CTNNBL1: variants seen among roughly 807,000 people sequenced by gnomAD.
CTNNBL1 encodes the protein beta-catenin-like protein 1.
Under a neutral mutation model 72.7 loss-of-function variants are expected in CTNNBL1, and 31 were observed. The observed-to-expected ratio is 0.43, with a 90% CI of 0.32 to 0.58. The LOEUF (loss-of-function observed/expected upper bound fraction) is 0.58, where lower values mean the gene tolerates loss of function less well. CTNNBL1 is among the 20% of genes least tolerant of loss of function. The probability of loss-of-function intolerance (pLI) is 0.08; values close to 1 mark genes in which losing one functional copy is unlikely to be tolerated. For missense variants in CTNNBL1, 534 were observed against 725.1 expected, an observed-to-expected ratio of 0.74 and a Z score of 3.03; for synonymous variants, 240 against 267.3, an observed-to-expected ratio of 0.90 and a Z score of 1.00.
rs990726222 is a variant in CTNNBL1, at chr20:37,757,603, A to G, written c.511A>G (p.Ile171Val). The change falls in exon 5 of 16, where the codon ATA (isoleucine) becomes GTA (valine). Residue 171 changes from isoleucine to valine, a missense_variant. Transcript: ENST00000361383. ...VVDLLQELTDIDTLHESEEGA... is the reference protein window; with the variant it reads ...VVDLLQELTDVDTLHESEEGA... ...CGATTTGCTTCAGGAATTAACAGAT[A>G]TAGACACCCTCCATGAGAGTGAAGA... The G allele has an allele frequency of 1.9e-6, 3 of 1,613,848 alleles. No individual in the cohort carries two copies. Among genetic ancestry groups the G allele is most frequent in the Non-Finnish European group, 2.5e-6 (3 of 1,179,860 alleles).
At position 37,732,882 on chromosome 20, in the gene CTNNBL1, A is replaced by G; in HGVS notation, c.34A>G (p.Asn12Asp). ...DVGELLSYQP[N>D]RGTKRPRDDE... The stretch of plus-strand genomic sequence containing the variant: ...TCTTATGTTTCTTTTCTCTCAGCCC[A>G]ATAGGGGCACAAAACGTCCCCGGGA... The change falls in exon 2 of 16, where the codon AAT becomes GAT. Residue 12 changes from asparagine (N) to aspartate (D), a missense_variant. Asn to Asp is a conservative substitution (Grantham distance 23). Transcript: ENST00000361383. 6.2e-7 allele frequency: 1 copy of G among 1,613,370 alleles called. No individual in the cohort carries two copies. The highest frequency in any genetic ancestry group is 1.3e-5 in the African/African-American group (1 of 74,992).
chr20:37,695,680 G>T (rs2072784824), intron 1 of CTNNBL1, among the ~76,000 whole-genome samples: 1 of 152,206 alleles, frequency 6.6e-6, no homozygotes, highest in African/African-American at 2.4e-5. Flanking sequence ...TCTCTGTTTT[G>T]CTACTAACTG....
At chr20:37,750,774 T>C (rs1280324378) in intron 4 of CTNNBL1, 5 of 152,216 alleles carry the variant, frequency 3.3e-5, no homozygotes, top group African/African-American at 1.2e-4. Context: ...ATTTACTGGG[T>C]TCTTCCTTTG....
chr20:37,734,189 A>G (rs561507619), intron 2 of CTNNBL1, among the ~76,000 whole-genome samples: 12 of 152,356 alleles, frequency 7.9e-5, no homozygotes, highest in African/African-American at 2.6e-4. Flanking sequence ...AAATGGATTC[A>G]TATTCCAAAA....
intron 11 of CTNNBL1, among the ~76,000 whole-genome samples, chr20:37,817,936 T>C (rs1568794547): frequency 6.6e-6 from 1 of 152,192 alleles, no homozygotes; most frequent in Non-Finnish European, 1.5e-5. Context: ...TATCTATTCC[T>C]AGCATGTCTT....
At chr20:37,697,728 CCTT>C (rs1376762249) in intron 1 of CTNNBL1, among the ~76,000 whole-genome samples, 1 of 152,062 alleles carries the variant, frequency 6.6e-6, no homozygotes, top group East Asian at 1.9e-4. Context: ...ATCCTGGTCT[CCTT>C]ATTATTATTT....
At chr20:37,863,470 A>G (rs1600537485) in intron 15 of CTNNBL1, among the ~76,000 whole-genome samples, 1 of 152,156 alleles carries the variant, frequency 6.6e-6, no homozygotes. Flanking sequence ...AGTGGCACGG[A>G]GGCAGTTATG....
chr20:37,727,215 C>A, intron 1 of CTNNBL1: 2 of 262,366 alleles, frequency 7.6e-6, no homozygotes, highest in Non-Finnish European at 1.2e-5. Flanking sequence ...TGTCTGGGTA[C>A]GCAGGGAGTA....
intron 1 of CTNNBL1, among the ~76,000 whole-genome samples, chr20:37,709,808 G>C (rs2072921598): frequency 6.6e-6 from 1 of 152,186 alleles, no homozygotes; most frequent in African/African-American, 2.4e-5. Context: ...TTTTAAAAAA[G>C]GTGGCACAGA....
intron 10 of CTNNBL1, among the ~76,000 whole-genome samples, chr20:37,794,313 T>C (rs1466398583): frequency 6.6e-6 from 1 of 152,040 alleles, no homozygotes. Flanking sequence ...TTTGCCTTCA[T>C]CTTTTTCTTT....
At chr20:37,722,001 C>G (rs1600444282) in intron 1 of CTNNBL1, among the ~76,000 whole-genome samples, 1 of 152,214 alleles carries the variant, frequency 6.6e-6, no homozygotes, top group East Asian at 1.9e-4. Flanking sequence ...CTCACCAACA[C>G]TTGGTATTAC....
At chr20:37,824,228 G>A (rs1407416768) in intron 11 of CTNNBL1, among the ~76,000 whole-genome samples, 1 of 152,218 alleles carries the variant, frequency 6.6e-6, no homozygotes, top group Non-Finnish European at 1.5e-5. Flanking sequence ...CCATTACAAG[G>A]ATGTGAGTTA....
chr20:37,795,666 T>G (rs1013226891), intron 10 of CTNNBL1, among the ~76,000 whole-genome samples: 7 of 152,190 alleles, frequency 4.6e-5, no homozygotes, highest in Admixed American at 4.6e-4. Context: ...CTCAGTTTGG[T>G]CTTTTCTTCT....
chr20:37,694,225 A>G, intron 1 of CTNNBL1, 73 bp downstream of exon 1: 1 of 1,353,380 alleles, frequency 7.4e-7, no homozygotes, highest in South Asian at 1.4e-5. Flanking sequence ...GAGCCCTTTC[A>G]TCTCACCTCC....
chr20:37,745,898 T>G (rs563096009), intron 3 of CTNNBL1, among the ~76,000 whole-genome samples: 1 of 152,282 alleles, frequency 6.6e-6, no homozygotes, highest in East Asian at 1.9e-4. Flanking sequence ...GAGTAAAGTA[T>G]CATGCTGTGT....
At chr20:37,850,304 T>G (rs1287559608) in intron 13 of CTNNBL1, among the ~76,000 whole-genome samples, 1 of 152,128 alleles carries the variant, frequency 6.6e-6, no homozygotes, top group Non-Finnish European at 1.5e-5. Context: ...GGAAGGAACA[T>G]AAGTATGGCG....
At chr20:37,711,058 C>G (rs1250707991) in intron 1 of CTNNBL1, among the ~76,000 whole-genome samples, 1 of 152,190 alleles carries the variant, frequency 6.6e-6, no homozygotes, top group African/African-American at 2.4e-5. Context: ...CAGTGTGCCT[C>G]ATATGGTGTG....
At position 37,862,298 on chromosome 20, in the gene CTNNBL1, T is replaced by G. The variant is rs991162383; in HGVS notation, c.1603+1954T>G. 2.6e-5 allele frequency among the ~76,000 whole-genome samples: 4 copies of G among 152,178 alleles called. No individual in the cohort carries two copies. In the East Asian group the frequency reaches 5.8e-4, roughly 22 times the overall value. On this transcript the variant is annotated intron_variant, in intron 15 of 15. Coordinates refer to ENST00000361383, the MANE Select transcript of CTNNBL1 (RefSeq NM_030877.5). The stretch of plus-strand genomic sequence containing the variant: ...GCATTTACTTCTAATGCCCACATGT[T>G]CAATTAGAACTTCTTATTACCCTCA...
chr20:37,868,275 C>T (rs2072553664), intron 15 of CTNNBL1, among the ~76,000 whole-genome samples: 2 of 131,804 alleles, frequency 1.5e-5, no homozygotes, highest in African/African-American at 5.7e-5. Flanking sequence ...GGCCCCCTCC[C>T]AGTGGTTTTT....
Sources: allele counts gnomAD v4.1 joint callset (sites outside exome capture counted in the v4.1 genomes callset), GRCh38; gene constraint gnomAD v4.1.1; transcripts MANE v1.5; gene names NCBI Gene and HGNC (gene_info 2026-07-23, HGNC 2026-07-21).